CXCR5: variants seen among roughly 807,000 people sequenced by gnomAD.
CXCR5 encodes C-X-C chemokine receptor type 5.
A neutral mutation model predicts 5.6 loss-of-function variants in CXCR5; 3 were observed. The ratio of observed to expected loss-of-function variants is 0.54; its 90% confidence interval spans 0.24 to 1.39. The LOEUF (loss-of-function observed/expected upper bound fraction) is 1.39, where lower values mean the gene tolerates loss of function less well. CXCR5 is among the 40% of genes most tolerant of loss of function. The pLI is 0.16. For missense variants in CXCR5, 333 were observed against 494.6 expected (o/e 0.67, Z 3.10); for synonymous variants, 218 against 219.9 (o/e 0.99, Z 0.08).
In CXCR5 at chr11:118,887,894, C is replaced by T. The variant is rs114255445; in HGVS notation, c.51+3902C>T. Among the ~76,000 whole-genome samples the T allele has an allele frequency of 4.9e-3, 751 of 152,336 alleles. 7 individuals carry two copies. The highest frequency in any genetic ancestry group is 0.013 in the African/African-American group (541 of 41,560). On this transcript the variant is annotated intron_variant, in intron 1 of 1. Transcript: ENST00000292174. ...GGCGTCTGTGTGCAGACACCTCCCG[C>T]GGCCAGCATGACTCAGGCCTTGGAG...
At chr11:118,891,494 C>T (rs996506460) in intron 1 of CXCR5, among the ~76,000 whole-genome samples, 12 of 152,138 alleles carry the variant, frequency 7.9e-5, no homozygotes, top group African/African-American at 2.9e-4. Flanking sequence ...CCTGAGCCAC[C>T]ATGCCCAGAC....
In CXCR5 at chr11:118,883,911, A is replaced by T. The variant is rs975798039; in HGVS notation, c.-31A>T. 1 of 1,605,308 alleles carries T rather than the reference A, an allele frequency of 6.2e-7. No homozygotes were observed. Among genetic ancestry groups the T allele is most frequent in the Non-Finnish European group, 8.5e-7 (1 of 1,175,288 alleles). ...GGGAGCCTCTCAACATAAGACAGTGACCAGTCTGGTGACTCACAGCCGGCA... is the reference window on the plus strand; with the variant it reads ...GGGAGCCTCTCAACATAAGACAGTGTCCAGTCTGGTGACTCACAGCCGGCA... On this transcript the variant is annotated 5_prime_UTR_variant, in exon 1 of 2. Coordinates refer to ENST00000292174, the MANE Select transcript of CXCR5 (RefSeq NM_001716.5).
intron 1 of CXCR5, among the ~76,000 whole-genome samples, chr11:118,892,667 TGG>T (rs72112893): frequency 4.6e-5 from 2 of 43,526 alleles, no homozygotes; most frequent in East Asian, 5.7e-4. Flanking sequence ...GCTGGGGTGA[TGG>T]GGGGGGGGTG....
intron 1 of CXCR5, among the ~76,000 whole-genome samples, chr11:118,888,742 A>G (rs1222427462): frequency 1.3e-5 from 2 of 152,030 alleles, no homozygotes; most frequent in African/African-American, 4.8e-5. Context: ...TCCCCATGCA[A>G]TTTCATCTGG....
In CXCR5 at chr11:118,890,008, C is replaced by T. The variant is rs376577127; in HGVS notation, c.52-3588C>T. 6.6e-5 allele frequency among the ~76,000 whole-genome samples: 10 copies of T among 152,242 alleles called. No individual in the cohort carries two copies. In the East Asian group the frequency reaches 1.4e-3, roughly 21 times the overall value. On this transcript the variant is annotated intron_variant, in intron 1 of 1. Transcript: ENST00000292174. The stretch of plus-strand genomic sequence containing the variant: ...GTAGGTGGAGTCCAGCCCTGCTGAC[C>T]GCCCCAGGCCCTGCTTCTCTCCTCC...
At chr11:118,887,486 C>G (rs1939732343) in intron 1 of CXCR5, 1 of 950,302 alleles carries the variant, frequency 1.1e-6, no homozygotes, top group Non-Finnish European at 1.3e-6. Flanking sequence ...AAACTCTCCC[C>G]CTAACACCAC....
chr11:118,890,866 C>A (rs1939797670), intron 1 of CXCR5, among the ~76,000 whole-genome samples: 1 of 152,212 alleles, frequency 6.6e-6, no homozygotes, highest in Non-Finnish European at 1.5e-5. Flanking sequence ...TCCAGGGGAA[C>A]CCTGTGACAC....
intron 1 of CXCR5, chr11:118,886,172 G>T (rs1405566881): frequency 2.7e-6 from 1 of 373,766 alleles, no homozygotes. Context: ...TGCAGTAAAG[G>T]TCTTAGCTCA....
Position 118,896,770 on chromosome 11 carries a change from T to A in CXCR5, c.*2107T>A, listed in dbSNP as rs1939938228. 6.6e-6 allele frequency: 1 copy of A among 152,658 alleles called. No individual in the cohort carries two copies. The highest frequency in any genetic ancestry group is 6.5e-5 in the Admixed American group (1 of 15,282). The allele number at this position is 152,658 out of a possible 1,614,324, so 9.5% of individuals were successfully genotyped here. ...CAGGAAGGCTAGGGACGGGTCCTGG[T>A]AGAAGACACCCTGTCTAGAATGGCC... On this transcript the variant is annotated 3_prime_UTR_variant, in exon 2 of 2. Transcript: ENST00000292174.
rs1565607943 is a variant in CXCR5, at chr11:118,895,481, G to T, written c.*818G>T. 6.0e-6 allele frequency: 1 copy of T among 167,062 alleles called. No homozygotes were observed. The highest frequency in any genetic ancestry group is 1.9e-4 in the East Asian group (1 of 5,186). 10.3% of individuals were successfully genotyped at this position (167,062 alleles called of 1,614,324 possible). ...TTCCCGAACCCCAAGGAGGGAGATG[G>T]ATCAATCAAACCCGGCGGTCCCCTC... On this transcript the variant is annotated 3_prime_UTR_variant, in exon 2 of 2. Transcript: ENST00000292174. The surrounding 1 kb of genome is among the most constrained non-coding windows in gnomAD (Gnocchi z 4.2).
chr11:118,891,170 T>TA (rs200925444), intron 1 of CXCR5, among the ~76,000 whole-genome samples: 13,488 of 152,164 alleles, frequency 0.089, 778 homozygotes, highest in Middle Eastern at 0.18. Context: ...CTTTATTTTT[T>TA]AAAAAAATGT....
In CXCR5 at chr11:118,895,647, C is replaced by CA. The variant is rs45543933; in HGVS notation, c.*985dup. ...CATAAGCTATAGACCCGAGGAAACT[C>CA]AGAGTCGGAACGGAGAAAGGTGGAC... On this transcript the variant is annotated 3_prime_UTR_variant, in exon 2 of 2. Transcript: ENST00000292174. This position sits in a 1 kb window ranked among gnomAD's most constrained non-coding sequence, Gnocchi z 4.2. 34,490 of 167,092 alleles carry CA rather than the reference C, an allele frequency of 0.21. 4,627 individuals are homozygous for CA. The highest frequency in any genetic ancestry group is 0.37 in the Admixed American group (5,671 of 15,282). 10.4% of individuals were successfully genotyped at this position (167,092 alleles called of 1,614,324 possible). A position where few individuals can be genotyped will look rare whatever the true frequency, so the allele number is the denominator to read the frequency against.
Position 118,894,987 on chromosome 11 carries a change from A to G in CXCR5, c.*324A>G, listed in dbSNP as rs1316656966. 1.4e-5 allele frequency: 4 copies of G among 281,208 alleles called. No individual in the cohort carries two copies. Among genetic ancestry groups the G allele is most frequent in the Non-Finnish European group, 2.8e-5 (4 of 142,142 alleles). The allele number at this position is 281,208 out of a possible 1,614,324, so 17.4% of individuals were successfully genotyped here. On this transcript the variant is annotated 3_prime_UTR_variant, in exon 2 of 2. Transcript: ENST00000292174. This position sits in a 1 kb window ranked among gnomAD's most constrained non-coding sequence, Gnocchi z 6.1. ...CCTAATCATCCAATGCTCAAGAAAC[A>G]ACTTCTACTTCTGCCCTTGCCAACG...
At chr11:118,892,738 C>A (rs1422915364) in intron 1 of CXCR5, among the ~76,000 whole-genome samples, 2 of 152,014 alleles carry the variant, frequency 1.3e-5, no homozygotes, top group African/African-American at 4.8e-5. Context: ...CACGGGCACA[C>A]CCCCTGCACT....
At chr11:118,887,831 T>C (rs1363549399) in intron 1 of CXCR5, 1 of 152,308 alleles carries the variant, frequency 6.6e-6, no homozygotes, top group Non-Finnish European at 1.5e-5. Flanking sequence ...TAAAAGGATA[T>C]GGAGCTTGTG....
intron 1 of CXCR5, among the ~76,000 whole-genome samples, chr11:118,885,550 C>A (rs886702244): frequency 6.6e-6 from 1 of 152,244 alleles, no homozygotes; most frequent in South Asian, 2.1e-4. Flanking sequence ...AGCCGCTGGC[C>A]TCGCCTGATT....
In CXCR5 at chr11:118,896,313, A is replaced by C. The variant is rs2137665207; in HGVS notation, c.*1650A>C. ...TATATATATATTTATATAATGGTAC[A>C]AAATGGCTGGGGGTGTGGCCATGGA... On this transcript the variant is annotated 3_prime_UTR_variant, in exon 2 of 2. Coordinates refer to ENST00000292174, the MANE Select transcript of CXCR5 (RefSeq NM_001716.5). 1 of 157,506 alleles carries C rather than the reference A, an allele frequency of 6.3e-6. No homozygotes were observed. Among genetic ancestry groups the C allele is most frequent in the African/African-American group, 2.4e-5 (1 of 41,510 alleles). 9.8% of individuals were successfully genotyped at this position (157,506 alleles called of 1,614,324 possible). A position where few individuals can be genotyped will look rare whatever the true frequency, so the allele number is the denominator to read the frequency against.
chr11:118,885,823 A>C (rs1463311461), intron 1 of CXCR5: 1 of 155,246 alleles, frequency 6.4e-6, no homozygotes, highest in African/African-American at 2.4e-5. Context: ...GTCACACCTC[A>C]AATGAGTGAT....
intron 1 of CXCR5, 110 bp downstream of exon 1, chr11:118,884,102 G>C: frequency 9.0e-7 from 1 of 1,111,758 alleles, no homozygotes; most frequent in South Asian, 1.3e-5. Context: ...TCCCACTGTG[G>C]ATCTGTAAAA....
Sources: allele counts gnomAD v4.1 joint callset (sites outside exome capture counted in the v4.1 genomes callset), GRCh38; gene constraint gnomAD v4.1.1; non-coding constraint Gnocchi (gnomAD v3.1); transcripts MANE v1.5; gene names NCBI Gene and HGNC (gene_info 2026-07-23, HGNC 2026-07-21).